The following CFAP119 variants were observed in gnomAD, a reference collection of about 807,000 sequenced individuals.
CFAP119 encodes the protein cilia and flagella associated protein 119, also known as cilia- and flagella-associated protein 119.
At chr16:30,759,458 G>A in the CFAP119 span, 6 of 1,614,214 alleles carry the variant, frequency 3.7e-6, no homozygotes, top group East Asian at 4.5e-5. Flanking sequence ...AAAGGAGGCC[G>A]CTGTGGTGGT....
At chr16:30,760,063 A>C in the CFAP119 span, 1 of 1,530,864 alleles carries the variant, frequency 6.5e-7, no homozygotes, top group Non-Finnish European at 8.7e-7. Context: ...ATATATTTGC[A>C]TATATTATTT....
At chr16:30,757,824 G>A in the CFAP119 span, 1 of 1,413,568 alleles carries the variant, frequency 7.1e-7, no homozygotes, top group Admixed American at 3.1e-5. Context: ...AGAGGTAGTT[G>A]GGTAGGGTGG....
At chr16:30,761,841 C>A in the CFAP119 span, 1 of 1,234,014 alleles carries the variant, frequency 8.1e-7, no homozygotes, top group Non-Finnish European at 1.1e-6. Flanking sequence ...CAAGGCCGGG[C>A]CCGTTCGCCT....
chr16:30,757,818 G>A, the CFAP119 span: 8 of 1,415,270 alleles, frequency 5.7e-6, no homozygotes, highest in Middle Eastern at 5.2e-4. Context: ...TGTGTGAGAG[G>A]TAGTTGGGTA....
the CFAP119 span, chr16:30,760,000 T>A: frequency 1.4e-6 from 2 of 1,466,736 alleles, no homozygotes; most frequent in Non-Finnish European, 1.8e-6. Flanking sequence ...TATTAAACAT[T>A]CTGAAGCAAG....
chr16:30,761,917 C>T, the CFAP119 span: 1 of 670,658 alleles, frequency 1.5e-6, no homozygotes, highest in South Asian at 2.1e-5. Flanking sequence ...CTCCCTCCGT[C>T]TCAACGGCGA....
the CFAP119 span, chr16:30,759,211 G>A: frequency 3.1e-6 from 5 of 1,614,170 alleles, no homozygotes; most frequent in South Asian, 1.1e-5. Flanking sequence ...TTGGGTGGCT[G>A]TAGCCCCATG....
At chr16:30,760,712 C>A in the CFAP119 span, 1 of 1,532,554 alleles carries the variant, frequency 6.5e-7, no homozygotes, top group South Asian at 1.2e-5. Context: ...CGTTACCTAT[C>A]ATGACAAGGC....
the CFAP119 span, chr16:30,760,477 T>A: frequency 6.2e-7 from 1 of 1,612,850 alleles, no homozygotes; most frequent in Non-Finnish European, 8.5e-7. Flanking sequence ...GAGGAGTGAG[T>A]GACAACTGGG....
chr16:30,761,502 G>A, the CFAP119 span: 3 of 1,534,128 alleles, frequency 2.0e-6, no homozygotes, highest in Admixed American at 2.0e-5. Context: ...GGGGGAGCCG[G>A]TTTATAAATA....
the CFAP119 span, chr16:30,760,671 G>A: frequency 6.5e-7 from 1 of 1,528,948 alleles, no homozygotes; most frequent in Non-Finnish European, 8.7e-7. Flanking sequence ...GGTACTTCCT[G>A]TTATAGTAAA....
chr16:30,757,916 G>A, the CFAP119 span: 1 of 886,584 alleles, frequency 1.1e-6, no homozygotes, highest in Non-Finnish European at 1.5e-6. Context: ...ACCTATCTGT[G>A]CCTCAGTTTC....
the CFAP119 span, chr16:30,759,248 C>T: frequency 1.2e-6 from 2 of 1,614,148 alleles, no homozygotes; most frequent in Non-Finnish European, 8.5e-7. Flanking sequence ...CCAGCCGCAC[C>T]TGGGAAGCAA....
chr16:30,761,141 TGG>T, the CFAP119 span: 2 of 1,591,058 alleles, frequency 1.3e-6, no homozygotes, highest in Non-Finnish European at 1.7e-6. Flanking sequence ...ACAGGACTGT[TGG>T]GGAGACAATA....
chr16:30,759,265 G>T, the CFAP119 span: 1 of 1,614,110 alleles, frequency 6.2e-7, no homozygotes, highest in Non-Finnish European at 8.5e-7. Flanking sequence ...GCAAGGCAGA[G>T]GGAGGCTGAA....
chr16:30,760,373 G>C, the CFAP119 span: 2 of 1,614,220 alleles, frequency 1.2e-6, no homozygotes, highest in South Asian at 2.2e-5. Flanking sequence ...GAAAATGAGC[G>C]CGTGGCAGAA....
chr16:30,759,599 G>A, the CFAP119 span: 1 of 1,614,130 alleles, frequency 6.2e-7, no homozygotes, highest in Admixed American at 1.7e-5. Flanking sequence ...GAGAGACTGG[G>A]TGAGACCTTG....
At chr16:30,757,648 A>T in the CFAP119 span, 1 of 1,612,004 alleles carries the variant, frequency 6.2e-7, no homozygotes, top group Non-Finnish European at 8.5e-7. Flanking sequence ...GAGGACGTGG[A>T]TGTGGCCTGC....
the CFAP119 span, chr16:30,762,041 C>T: frequency 2.1e-6 from 1 of 480,760 alleles, no homozygotes; most frequent in Non-Finnish European, 3.7e-6. Context: ...CCTGGGCGCC[C>T]TCTCTTCCAG....
Sources: gnomAD v4.1 joint callset for allele counts on GRCh38, gnomAD v4.1.1 for gene constraint, MANE v1.5 for transcripts, NCBI Gene and HGNC (gene_info 2026-07-23, HGNC 2026-07-21) for gene names.